Variants in OSBPL10 observed in about 807,000 individuals in gnomAD.
OSBPL10 encodes the protein oxysterol-binding protein-related protein 10.
Under a neutral mutation model 81.7 loss-of-function variants are expected in OSBPL10, and 49 were observed. That is an observed-to-expected ratio of 0.60 (90% CI 0.48 to 0.76). The LOEUF (loss-of-function observed/expected upper bound fraction) is 0.76. Among genes scored for constraint, OSBPL10 ranks in the 30% least tolerant of loss-of-function variants. The pLI is 0.00. For synonymous variants in OSBPL10, 419 were observed against 383.6 expected (o/e 1.09, Z -1.08); for missense variants, 923 against 987.8 (o/e 0.93, Z 0.88).
At chr3:32,056,091 A>C (rs1699709538) in intron 1 of OSBPL10, among the ~76,000 whole-genome samples, 1 of 152,244 alleles carries the variant, frequency 6.6e-6, no homozygotes, top group South Asian at 2.1e-4. Context: ...TTTGTAAACA[A>C]ATCAGTCCTA....
intron 1 of OSBPL10, among the ~76,000 whole-genome samples, chr3:31,917,768 T>A (rs1696799398): frequency 1.3e-5 from 2 of 150,678 alleles, no homozygotes; most frequent in Non-Finnish European, 2.9e-5. Context: ...TCCAGTAGGA[T>A]TACTGCACTA....
chr3:31,801,488 G>C (rs1657307535), intron 4 of OSBPL10, among the ~76,000 whole-genome samples: 1 of 152,218 alleles, frequency 6.6e-6, no homozygotes, highest in Admixed American at 6.5e-5. Context: ...AGTGGCTTCT[G>C]AGCATTTACT....
At chr3:31,842,636 A>C (rs989741984) in intron 3 of OSBPL10, among the ~76,000 whole-genome samples, 5 of 152,238 alleles carry the variant, frequency 3.3e-5, no homozygotes, top group African/African-American at 1.2e-4. Flanking sequence ...ATGGTAGTAC[A>C]TGAGAGTTTT....
chr3:31,773,806 G>T (rs958471383), intron 4 of OSBPL10, among the ~76,000 whole-genome samples: 1 of 152,216 alleles, frequency 6.6e-6, no homozygotes, highest in Non-Finnish European at 1.5e-5. Context: ...CACACTGCCT[G>T]GCATCTCTCT....
intron 1 of OSBPL10, among the ~76,000 whole-genome samples, chr3:31,905,289 A>AT (rs1373625341): frequency 6.6e-6 from 1 of 150,728 alleles, no homozygotes; most frequent in African/African-American, 2.5e-5. Context: ...AAACTTGTCA[A>AT]TATGTCAAAG....
intron 4 of OSBPL10, among the ~76,000 whole-genome samples, chr3:31,804,018 C>G (rs900499145): frequency 6.6e-6 from 1 of 152,196 alleles, no homozygotes; most frequent in Non-Finnish European, 1.5e-5. Flanking sequence ...TACTTTGAGA[C>G]TATTCACATA....
At chr3:31,907,765 CTTG>C (rs1159219207) in intron 1 of OSBPL10, among the ~76,000 whole-genome samples, 7 of 151,038 alleles carry the variant, frequency 4.6e-5, no homozygotes, top group Middle Eastern at 6.4e-3. Flanking sequence ...CTATTCAATA[CTTG>C]TTGATATTCA....
intron 8 of OSBPL10, 101 bp downstream of exon 8, chr3:31,683,530 AAAC>A (rs781107074): frequency 5.7e-5 from 84 of 1,477,242 alleles, no homozygotes; most frequent in Middle Eastern, 5.6e-4. Context: ...AACCAGTTAA[AAAC>A]AACAACAACA....
rs75553337 is a variant in OSBPL10, at chr3:31,890,680, G to A, written c.282-10850C>T. On this transcript the variant is annotated intron_variant, in intron 1 of 11. Coordinates refer to ENST00000396556, the MANE Select transcript of OSBPL10 (RefSeq NM_017784.5). ...TTTAAAGACTAGTTGATTTAAGCCC[G>A]AAAGAACTGAGACCTGTCTTATGAG... is the stretch of plus-strand genomic sequence containing the variant. 2.9e-3 allele frequency among the ~76,000 whole-genome samples: 443 copies of A among 152,236 alleles called. 4 individuals carry two copies. The highest frequency in any genetic ancestry group is 0.01 in the African/African-American group (419 of 41,530).
intron 4 of OSBPL10, among the ~76,000 whole-genome samples, chr3:31,761,420 C>T (rs1698035956): frequency 7.0e-6 from 1 of 143,832 alleles, no homozygotes; most frequent in African/African-American, 2.6e-5. Flanking sequence ...TGCAGTGAGC[C>T]AAGACCACAC....
intron 8 of OSBPL10, among the ~76,000 whole-genome samples, chr3:31,674,398 T>A (rs1050201245): frequency 4.9e-4 from 74 of 149,544 alleles, no homozygotes; most frequent in Middle Eastern, 3.5e-3. Flanking sequence ...TATAAAAAAA[T>A]TTTAAAAAAA....
chr3:32,037,757 G>C (rs1326221524), intron 2 of OSBPL10: 2 of 155,518 alleles, frequency 1.3e-5, no homozygotes, highest in Non-Finnish European at 2.8e-5. Context: ...CTCAGCCTGA[G>C]GGGGGAAATC....
At chr3:32,061,156 T>C (rs2125442279) in intron 1 of OSBPL10, among the ~76,000 whole-genome samples, 1 of 91,088 alleles carries the variant, frequency 1.1e-5, no homozygotes, top group African/African-American at 2.8e-5. Flanking sequence ...AAGTCCTCTA[T>C]TGAAGCTAAA....
intron 2 of OSBPL10, among the ~76,000 whole-genome samples, chr3:31,992,386 T>C (rs927346390): frequency 1.8e-4 from 28 of 152,196 alleles, no homozygotes; most frequent in Admixed American, 1.1e-3. Context: ...TTTACCGTTC[T>C]GGCAGTCAGA....
chr3:31,822,034 G>A (rs1699992466), intron 4 of OSBPL10: 1 of 152,218 alleles, frequency 6.6e-6, no homozygotes, highest in South Asian at 2.1e-4. Flanking sequence ...TTCCGTATGT[G>A]TGTGTAGTAA....
chr3:31,716,798 CAG>C (rs1266499550), intron 6 of OSBPL10, among the ~76,000 whole-genome samples: 2 of 152,196 alleles, frequency 1.3e-5, no homozygotes, highest in African/African-American at 2.4e-5. Context: ...GACCCCAAAA[CAG>C]ATTCAGAAAG....
intron 1 of OSBPL10, among the ~76,000 whole-genome samples, chr3:31,925,907 T>C (rs1189235917): frequency 1.3e-5 from 2 of 152,234 alleles, no homozygotes; most frequent in Non-Finnish European, 2.9e-5. Context: ...TAATTCACAA[T>C]GACTTTTCTG....
At chr3:31,668,035 G>A (rs1434246806) in intron 10 of OSBPL10, among the ~76,000 whole-genome samples, 1 of 152,064 alleles carries the variant, frequency 6.6e-6, no homozygotes, top group Non-Finnish European at 1.5e-5. Flanking sequence ...TCTTTCTTTT[G>A]TTGCTTAGTT....
intron 6 of OSBPL10, among the ~76,000 whole-genome samples, chr3:31,721,192 A>G (rs1485213884): frequency 6.6e-6 from 1 of 152,186 alleles, no homozygotes; most frequent in African/African-American, 2.4e-5. Context: ...AGAAGCTGGG[A>G]AAGCCAAGGA....
Sources: allele counts gnomAD v4.1 joint callset (sites outside exome capture counted in the v4.1 genomes callset), GRCh38; gene constraint gnomAD v4.1.1; transcripts MANE v1.5; gene names NCBI Gene and HGNC (gene_info 2026-07-23, HGNC 2026-07-21).